The following HCLS1 variants were observed in gnomAD, a reference collection of about 807,000 sequenced individuals.
HCLS1 encodes the protein hematopoietic cell-specific Lyn substrate 1, also known as hematopoietic lineage cell-specific protein.
A neutral mutation model predicts 68.6 loss-of-function variants in HCLS1; 44 were observed. The observed-to-expected ratio is 0.64, with a 90% CI of 0.50 to 0.82. The LOEUF is 0.82. Among genes scored for constraint, HCLS1 ranks in the 40% least tolerant of loss-of-function variants. The pLI is 0.00. For synonymous variants in HCLS1, 217 were observed against 225.8 expected, an observed-to-expected ratio of 0.96 and a Z score of 0.35; for missense variants, 602 against 612.1, an observed-to-expected ratio of 0.98 and a Z score of 0.17.
chr3:121,646,707 T>A (rs1472309377), intron 4 of HCLS1, among the ~76,000 whole-genome samples: 40 of 127,596 alleles, frequency 3.1e-4, no homozygotes, highest in Non-Finnish European at 5.2e-4. Flanking sequence ...ATACATTATA[T>A]TATATTTATA....
At position 121,639,823 on chromosome 3, in the gene HCLS1, C is replaced by T. The variant is rs912144352; in HGVS notation, c.455-2567G>A. ...CAAGTGCCCATATAGTAAAGGAAGG[C>T]TTAAAATCAATTATCTAAGTTTCTA... On this transcript the variant is annotated intron_variant, in intron 6 of 13. Transcript: ENST00000314583. 3.3e-5 allele frequency among the ~76,000 whole-genome samples: 5 copies of T among 152,212 alleles called. No individual in the cohort carries two copies. In the East Asian group the frequency reaches 9.6e-4, roughly 29 times the overall value.
At chr3:121,634,474 G>T (rs1421923094) in intron 9 of HCLS1, 56 bp from the exon 10 acceptor site, 2 of 1,526,758 alleles carry the variant, frequency 1.3e-6, no homozygotes, top group East Asian at 2.2e-5. Flanking sequence ...GTGGGGAAGG[G>T]CATGGCACTT....
chr3:121,644,658 G>T, intron 5 of HCLS1, 160 bp downstream of exon 5: 1 of 721,252 alleles, frequency 1.4e-6, no homozygotes. Context: ...TTGGCACCAA[G>T]GAACTTGCTG....
chr3:121,658,735 C>T (rs141271409), intron 1 of HCLS1, among the ~76,000 whole-genome samples: 1 of 152,202 alleles, frequency 6.6e-6, no homozygotes, highest in Non-Finnish European at 1.5e-5. Context: ...AGAATTATGG[C>T]CTTATTTCAC....
intron 1 of HCLS1, 52 bp downstream of exon 1, chr3:121,660,768 C>T (rs1379041094): frequency 6.6e-6 from 1 of 152,404 alleles, no homozygotes; most frequent in African/African-American, 2.4e-5. Context: ...GTAGGTTCCT[C>T]CTCAACTCTT....
At chr3:121,636,907 G>A (rs778555796) in intron 7 of HCLS1, among the ~76,000 whole-genome samples, 20 of 151,400 alleles carry the variant, frequency 1.3e-4, no homozygotes, top group East Asian at 1.9e-4. Flanking sequence ...CTTCCTCAAC[G>A]CCCCCTTCTC....
intron 3 of HCLS1, among the ~76,000 whole-genome samples, chr3:121,655,903 C>A (rs1299707000): frequency 6.6e-6 from 1 of 151,440 alleles, no homozygotes; most frequent in African/African-American, 2.4e-5. Flanking sequence ...GGCTGGAGTG[C>A]AGTGGTGCGA....
intron 6 of HCLS1, among the ~76,000 whole-genome samples, chr3:121,642,035 C>G (rs1296430349): frequency 7.4e-6 from 1 of 134,394 alleles, no homozygotes; most frequent in Non-Finnish European, 1.6e-5. Context: ...AGCCGAGATC[C>G]AGCCACTGCA....
intron 6 of HCLS1, among the ~76,000 whole-genome samples, chr3:121,641,883 C>T (rs2049202871): frequency 6.6e-6 from 1 of 151,650 alleles, no homozygotes; most frequent in African/African-American, 2.4e-5. Flanking sequence ...AGATCGAGAC[C>T]ATCCTGGCTA....
intron 3 of HCLS1, among the ~76,000 whole-genome samples, chr3:121,655,823 C>CATTTATTTATTTATTT (rs58817111): frequency 2.2e-5 from 3 of 137,892 alleles, no homozygotes; most frequent in African/African-American, 5.3e-5. Flanking sequence ...TAATTGAAAC[C>CATTTATTTATTTATTT]ATTTATTTAT....
chr3:121,644,983 T>C (rs2049233072), intron 4 of HCLS1, 55 bp from the exon 5 acceptor site: 20 of 1,324,766 alleles, frequency 1.5e-5, no homozygotes, highest in Middle Eastern at 1.8e-4. Flanking sequence ...CTTAAAAAAA[T>C]AAATACAGAT....
At chr3:121,658,972 T>G (rs927146845) in intron 1 of HCLS1, among the ~76,000 whole-genome samples, 2 of 152,154 alleles carry the variant, frequency 1.3e-5, no homozygotes, top group African/African-American at 2.4e-5. Context: ...AACAATGCAT[T>G]GGGAGAGCAT....
intron 4 of HCLS1, among the ~76,000 whole-genome samples, chr3:121,647,082 C>T (rs9818073): frequency 0.23 from 33,690 of 149,216 alleles, 4,112 homozygotes; most frequent in East Asian, 0.46. Flanking sequence ...CCCAGGTTCA[C>T]GCCATTCTCC....
At chr3:121,660,746 A>T (rs1027196969) in intron 1 of HCLS1, 74 bp downstream of exon 1, 3 of 152,478 alleles carry the variant, frequency 2.0e-5, no homozygotes, top group African/African-American at 4.8e-5. Context: ...ATCACCAAGG[A>T]CTAAGAGCCA....
At chr3:121,652,738 G>A (rs938780852) in intron 3 of HCLS1, among the ~76,000 whole-genome samples, 1 of 152,218 alleles carries the variant, frequency 6.6e-6, no homozygotes, top group Non-Finnish European at 1.5e-5. Context: ...CACTCATAAA[G>A]AGGTTTGTTT....
chr3:121,645,277 G>C (rs1267258962), intron 4 of HCLS1, among the ~76,000 whole-genome samples: 1 of 152,116 alleles, frequency 6.6e-6, no homozygotes, highest in Non-Finnish European at 1.5e-5. Flanking sequence ...TGTAGTGTGG[G>C]GTAGTGTGGA....
chr3:121,652,227 G>T (rs897559027), intron 3 of HCLS1, among the ~76,000 whole-genome samples: 1 of 152,168 alleles, frequency 6.6e-6, no homozygotes, highest in Non-Finnish European at 1.5e-5. Flanking sequence ...GGGGTGTATT[G>T]ACTGCAAAGA....
intron 5 of HCLS1, chr3:121,643,218 G>A: frequency 2.6e-6 from 1 of 381,512 alleles, no homozygotes; most frequent in South Asian, 4.0e-5. Flanking sequence ...TATAGTTGTT[G>A]AAGTTTAAGC....
intron 6 of HCLS1, among the ~76,000 whole-genome samples, chr3:121,639,979 C>T (rs1055451515): frequency 1.3e-5 from 2 of 151,972 alleles, no homozygotes; most frequent in Non-Finnish European, 2.9e-5. Flanking sequence ...AAGCCAAAAG[C>T]TTGTTCTTTG....
Sources: gnomAD v4.1 joint callset for allele counts (sites outside exome capture counted in the v4.1 genomes callset) on GRCh38, gnomAD v4.1.1 for gene constraint, MANE v1.5 for transcripts, NCBI Gene and HGNC (gene_info 2026-07-23, HGNC 2026-07-21) for gene names.